PAM: variants seen among roughly 807,000 people sequenced by gnomAD.
The protein encoded by PAM is peptidyl-glycine alpha-amidating monooxygenase.
A neutral mutation model predicts 122.1 loss-of-function variants in PAM; 72 were observed. The observed-to-expected ratio is 0.59, with a 90% CI of 0.49 to 0.72. The LOEUF (loss-of-function observed/expected upper bound fraction) is 0.72. PAM is among the 30% of genes least tolerant of loss of function. The pLI is 0.00. For missense variants in PAM, 1,106 were observed against 1,183.7 expected, an observed-to-expected ratio of 0.93 and a Z score of 0.96; for synonymous variants, 389 against 404.4, an observed-to-expected ratio of 0.96 and a Z score of 0.46.
At chr5:102,873,078 C>CA (rs953674260) in intron 3 of PAM, among the ~76,000 whole-genome samples, 111 of 146,464 alleles carry the variant, frequency 7.6e-4, no homozygotes, top group African/African-American at 1.9e-3. Context: ...ATAAAAGTTA[C>CA]AAAAAAAAAA....
chr5:102,846,126 A>G (rs1410493033), intron 1 of PAM, among the ~76,000 whole-genome samples: 1 of 151,854 alleles, frequency 6.6e-6, no homozygotes. Context: ...CCCTTAAACT[A>G]CTCCCTGATG....
At chr5:102,960,709 G>A (rs901257124) in intron 13 of PAM, among the ~76,000 whole-genome samples, 1 of 151,718 alleles carries the variant, frequency 6.6e-6, no homozygotes, top group Non-Finnish European at 1.5e-5. Flanking sequence ...GTCTTAACAC[G>A]CTAGAGCAGC....
chr5:102,892,546 T>A (rs141182820), intron 3 of PAM, among the ~76,000 whole-genome samples: 2 of 151,884 alleles, frequency 1.3e-5, no homozygotes, highest in African/African-American at 4.8e-5. Flanking sequence ...TATGTCCCGA[T>A]GACTGTATGC....
chr5:102,931,301 G>A (rs937834257), intron 7 of PAM, among the ~76,000 whole-genome samples: 4 of 152,234 alleles, frequency 2.6e-5, no homozygotes, highest in African/African-American at 7.2e-5. Context: ...GCTGTGTTTC[G>A]TGTTCTCCAC....
At chr5:102,972,972 G>A (rs1381067581) in intron 14 of PAM, among the ~76,000 whole-genome samples, 1 of 152,118 alleles carries the variant, frequency 6.6e-6, no homozygotes, top group Non-Finnish European at 1.5e-5. Flanking sequence ...ATCTCCCCTT[G>A]CACCACTTTC....
At chr5:102,824,580 CTG>C (rs1773024939) in intron 1 of PAM, among the ~76,000 whole-genome samples, 1 of 152,172 alleles carries the variant, frequency 6.6e-6, no homozygotes, top group Non-Finnish European at 1.5e-5. Flanking sequence ...CCATGTATAA[CTG>C]TGATAGCTGC....
intron 3 of PAM, among the ~76,000 whole-genome samples, chr5:102,868,836 T>C (rs1581138736): frequency 6.6e-6 from 1 of 152,232 alleles, no homozygotes; most frequent in East Asian, 1.9e-4. Flanking sequence ...TTAACAATAA[T>C]AATGGGCAAC....
chr5:102,973,582 T>C (rs1279635102), intron 14 of PAM, among the ~76,000 whole-genome samples: 1 of 152,202 alleles, frequency 6.6e-6, no homozygotes, highest in Non-Finnish European at 1.5e-5. Context: ...GTAGCACTGC[T>C]AACAAAATAA....
At chr5:102,908,731 A>G (rs1380184930) in intron 4 of PAM, among the ~76,000 whole-genome samples, 3 of 151,760 alleles carry the variant, frequency 2.0e-5, no homozygotes, top group Admixed American at 2.0e-4. Context: ...AAAAGAAAAA[A>G]AAATAATAAA....
At chr5:102,803,290 T>G (rs962243230) in intron 1 of PAM, among the ~76,000 whole-genome samples, 1 of 152,124 alleles carries the variant, frequency 6.6e-6, no homozygotes, top group Non-Finnish European at 1.5e-5. Flanking sequence ...GTATTTTTTT[T>G]CCTTTGAGTA....
chr5:102,930,827 A>T (rs1053235793), intron 7 of PAM, among the ~76,000 whole-genome samples: 1 of 152,238 alleles, frequency 6.6e-6, no homozygotes, highest in African/African-American at 2.4e-5. Context: ...TAAAAAATGT[A>T]TAGACTTTTA....
chr5:102,984,555 T>C (rs941562571), intron 15 of PAM, among the ~76,000 whole-genome samples: 9 of 152,200 alleles, frequency 5.9e-5, no homozygotes, highest in Admixed American at 5.2e-4. Flanking sequence ...GTTCTAAATA[T>C]ATATGCATAT....
chr5:102,984,011 A>C (rs1447906503), intron 15 of PAM, among the ~76,000 whole-genome samples: 1 of 152,232 alleles, frequency 6.6e-6, no homozygotes, highest in African/African-American at 2.4e-5. Context: ...TGCATAAAGA[A>C]GTCCAGATTT....
At chr5:102,882,496 A>G (rs541675010) in intron 3 of PAM, among the ~76,000 whole-genome samples, 1 of 151,888 alleles carries the variant, frequency 6.6e-6, no homozygotes, top group African/African-American at 2.4e-5. Flanking sequence ...GCATTTTTTC[A>G]TGTTTCTTGT....
intron 3 of PAM, among the ~76,000 whole-genome samples, chr5:102,895,223 C>G (rs11956370): frequency 1.3e-5 from 2 of 151,748 alleles, no homozygotes; most frequent in Non-Finnish European, 2.9e-5. Context: ...ACATTGCCAA[C>G]CCCCCTTGAC....
At chr5:102,908,604 T>A (rs369880195) in intron 4 of PAM, among the ~76,000 whole-genome samples, 1 of 150,844 alleles carries the variant, frequency 6.6e-6, no homozygotes, top group South Asian at 2.1e-4. Context: ...CATTGGGAGA[T>A]ATACCTAATG....
At chr5:102,936,516 T>C (rs562341524) in intron 7 of PAM, among the ~76,000 whole-genome samples, 5 of 152,258 alleles carry the variant, frequency 3.3e-5, no homozygotes, top group Admixed American at 2.0e-4. Context: ...AATATTTTTG[T>C]TTCACTAAAC....
intron 14 of PAM, among the ~76,000 whole-genome samples, chr5:102,971,106 TA>T (rs1765698156): frequency 6.6e-6 from 1 of 152,066 alleles, no homozygotes; most frequent in Non-Finnish European, 1.5e-5. Flanking sequence ...TGCCCAGTCC[TA>T]AAAGGGCTTT....
chr5:102,861,896 A>G (rs1784295925), intron 1 of PAM, among the ~76,000 whole-genome samples: 1 of 152,194 alleles, frequency 6.6e-6, no homozygotes, highest in African/African-American at 2.4e-5. Context: ...GAGGCCAGGC[A>G]TGATGGCTCA....
Sources: gnomAD v4.1 joint callset for allele counts (sites outside exome capture counted in the v4.1 genomes callset) on GRCh38, gnomAD v4.1.1 for gene constraint, MANE v1.5 for transcripts, NCBI Gene and HGNC (gene_info 2026-07-23, HGNC 2026-07-21) for gene names.